The following UNC80 variants were observed in gnomAD, a reference collection of about 807,000 sequenced individuals.
UNC80 encodes unc-80 subunit of NALCN channel complex, also known as protein unc-80 homolog.
In UNC80, 164 loss-of-function variants were observed where a neutral mutation model predicts 384.6. That is an observed-to-expected ratio of 0.43 (90% CI 0.38 to 0.49). UNC80 has a LOEUF of 0.49. Ranked by LOEUF, UNC80 falls within the 20% of genes least tolerant of loss-of-function variation. The pLI, the probability that UNC80 is intolerant of heterozygous loss-of-function variation, is 0.00. For synonymous variants in UNC80, 1,486 were observed against 1,527.8 expected, an observed-to-expected ratio of 0.97 and a Z score of 0.64; for missense variants, 3,330 against 4,143.0, an observed-to-expected ratio of 0.80 and a Z score of 5.39.
At chr2:209,953,390 G>A (rs1237512941) in intron 47 of UNC80, among the ~76,000 whole-genome samples, 1 of 144,608 alleles carries the variant, frequency 6.9e-6, no homozygotes, top group African/African-American at 2.6e-5. Flanking sequence ...ACTGCAGCCT[G>A]GGTGACTGAC....
intron 31 of UNC80, among the ~76,000 whole-genome samples, chr2:209,915,235 C>G (rs1197392796): frequency 6.6e-6 from 1 of 151,776 alleles, no homozygotes; most frequent in African/African-American, 2.4e-5. Flanking sequence ...AAACCCATCT[C>G]TACTAAAAAT....
rs1341590178 is a variant in UNC80 at position 209,926,742 on chromosome 2, C to T, written c.5663-101C>T. 3.5e-6 allele frequency: 5 copies of T among 1,431,804 alleles called. No homozygotes were observed. In the African/African-American group the frequency reaches 4.2e-5, roughly 12 times the overall value. 88.7% of individuals were successfully genotyped at this position (1,431,804 alleles called of 1,614,324 possible). On this transcript the variant is annotated intron_variant, in intron 35 of 64. Coordinates refer to ENST00000673920, the MANE Select transcript of UNC80 (RefSeq NM_001371986.1). ...AGTGAGCAGTGATCATGCCACTGTA[C>T]TCCAGCCTGGGTGACAGAGTGAGAC...
intron 51 of UNC80, among the ~76,000 whole-genome samples, 161 bp downstream of exon 51, chr2:209,959,868 A>G (rs559976957): frequency 1.3e-5 from 2 of 152,332 alleles, no homozygotes; most frequent in East Asian, 1.9e-4. Context: ...ACCCTCTGCT[A>G]AAGTGTGCAT....
intron 20 of UNC80, among the ~76,000 whole-genome samples, chr2:209,841,409 G>T (rs1305763728): frequency 2.0e-5 from 3 of 152,108 alleles, no homozygotes; most frequent in Non-Finnish European, 4.4e-5. Context: ...AGGCTGGAGT[G>T]CAGTAGCACA....
chr2:209,963,330 A>C (rs1216194860), intron 51 of UNC80, among the ~76,000 whole-genome samples: 2 of 152,038 alleles, frequency 1.3e-5, no homozygotes, highest in Non-Finnish European at 2.9e-5. Flanking sequence ...TTGTGTTCCC[A>C]CTGGGAAAGA....
intron 47 of UNC80, among the ~76,000 whole-genome samples, chr2:209,947,366 C>G (rs563417204): frequency 6.6e-6 from 1 of 152,120 alleles, no homozygotes; most frequent in Non-Finnish European, 1.5e-5. Flanking sequence ...TAGAGAACAC[C>G]TAAGTTTGAC....
intron 9 of UNC80, 117 bp from the exon 10 acceptor site, chr2:209,816,792 G>A (rs2079772260): frequency 2.3e-6 from 2 of 871,510 alleles, no homozygotes; most frequent in African/African-American, 3.4e-5. Flanking sequence ...TGACTTTCTG[G>A]GTCTTCTCTT....
chr2:209,833,909 C>T, intron 16 of UNC80, 93 bp from the exon 17 acceptor site: 1 of 1,269,270 alleles, frequency 7.9e-7, no homozygotes, highest in Non-Finnish European at 1.1e-6. Flanking sequence ...CTCATCTAAG[C>T]CTAAGGAATT....
chr2:209,970,315 A>G (rs1050879975), intron 53 of UNC80: 8 of 171,348 alleles, frequency 4.7e-5, no homozygotes, highest in African/African-American at 1.8e-4. Flanking sequence ...TTATGTGAAG[A>G]AAAAAAAATT....
At chr2:209,878,653 T>G (rs1253381273) in intron 24 of UNC80, among the ~76,000 whole-genome samples, 2 of 152,208 alleles carry the variant, frequency 1.3e-5, no homozygotes, top group East Asian at 3.8e-4. Flanking sequence ...TAATAGAATT[T>G]CATCATAGAA....
chr2:209,957,556 T>C, intron 48 of UNC80, 88 bp from the exon 49 acceptor site: 1 of 1,185,156 alleles, frequency 8.4e-7, no homozygotes, highest in Non-Finnish European at 1.2e-6. Flanking sequence ...AAAACTTATG[T>C]GTGCTTCAGT....
Position 209,984,905 on chromosome 2 carries a change from C to A in UNC80, c.9307C>A (p.Leu3103Ile), listed in dbSNP as rs2093251214. 6.4e-7 allele frequency: 1 copy of A among 1,551,082 alleles called. No individual in the cohort carries two copies. Among genetic ancestry groups the A allele is most frequent in the Non-Finnish European group, 8.7e-7 (1 of 1,146,714 alleles). The change falls in exon 61 of 65, where the codon CTC (leucine) becomes ATC (isoleucine). Residue 3103 changes from leucine to isoleucine, a missense_variant. Transcript: ENST00000673920. ...CCAGGGCCTGGCCGCCGAGGGCAGC[C>A]TCTCTAGGTACAGTGTCAATGCTAC... ...DSQGLAAEGS[L>I]SRVASIQSEP...
At chr2:209,869,020 A>T (rs1054467373) in intron 22 of UNC80, 31 of 152,160 alleles carry the variant, frequency 2.0e-4, no homozygotes, top group Non-Finnish European at 5.9e-5. Context: ...CCACCAGCAA[A>T]TTCTCTGTGG....
chr2:209,960,576 C>T (rs545452649), intron 51 of UNC80, among the ~76,000 whole-genome samples: 1 of 152,154 alleles, frequency 6.6e-6, no homozygotes, highest in African/African-American at 2.4e-5. Flanking sequence ...TTCCAAATAA[C>T]GTTGCAATTT....
At position 209,842,434 on chromosome 2, in the gene UNC80, T is replaced by C; in HGVS notation, c.3442T>C (p.Phe1148Leu). The change falls in exon 21 of 65, where the codon TTC (phenylalanine) becomes CTC (leucine). Residue 1148 changes from phenylalanine (F) to leucine (L), a missense_variant. Transcript: ENST00000673920. The stretch of plus-strand genomic sequence containing the variant: ...TGGAAGAGATGAAGAGGAGAATTTC[T>C]TCAAGCGTCTTGGTAAATGTCATGC... ...ENGRDEEENF[F>L]KRLGCHSFDD... 6.5e-7 allele frequency: 1 copy of C among 1,550,264 alleles called. No homozygotes were observed. Among genetic ancestry groups the C allele is most frequent in the South Asian group, 1.2e-5 (1 of 83,942 alleles).
chr2:209,968,858 C>T (rs543484514), intron 52 of UNC80: 11 of 152,090 alleles, frequency 7.2e-5, no homozygotes, highest in Admixed American at 4.6e-4. Context: ...GCAATTTTCT[C>T]GGGAGATAGG....
At chr2:209,904,663 G>A in intron 28 of UNC80, 102 bp from the exon 29 acceptor site, 2 of 1,006,072 alleles carry the variant, frequency 2.0e-6, no homozygotes, top group Non-Finnish European at 3.0e-6. Context: ...GACACATCCA[G>A]GGAAGCTGAC....
intron 22 of UNC80, among the ~76,000 whole-genome samples, chr2:209,870,998 C>G (rs902697412): frequency 2.0e-5 from 3 of 152,056 alleles, no homozygotes; most frequent in African/African-American, 7.2e-5. Flanking sequence ...ATAATTGGAC[C>G]ATAAAGCACT....
At chr2:209,871,442 A>G (rs1024291721) in intron 22 of UNC80, among the ~76,000 whole-genome samples, 15 of 152,284 alleles carry the variant, frequency 9.9e-5, no homozygotes, top group African/African-American at 3.4e-4. Context: ...CTAAAAGTTA[A>G]CTGACATGTA....
Sources: gnomAD v4.1 joint callset for allele counts (sites outside exome capture counted in the v4.1 genomes callset) on GRCh38, gnomAD v4.1.1 for gene constraint, MANE v1.5 for transcripts, NCBI Gene and HGNC (gene_info 2026-07-23, HGNC 2026-07-21) for gene names.